The following CCNJL variants were observed in gnomAD, a reference collection of about 807,000 sequenced individuals.
CCNJL encodes the protein cyclin J like, also known as cyclin-J-like protein.
Under a neutral mutation model 33.4 loss-of-function variants are expected in CCNJL, and 33 were observed. The observed-to-expected ratio is 0.99, with a 90% CI of 0.75 to 1.32. The LOEUF (loss-of-function observed/expected upper bound fraction) is 1.32, where lower values mean the gene tolerates loss of function less well. CCNJL is among the 40% of genes most tolerant of loss of function. CCNJL has a pLI of 0.00. For synonymous variants in CCNJL, 227 were observed against 220.9 expected, an observed-to-expected ratio of 1.03 and a Z score of -0.24; for missense variants, 512 against 499.7, an observed-to-expected ratio of 1.02 and a Z score of -0.23.
chr5:160,309,547 T>G (rs901810191), intron 2 of CCNJL, among the ~76,000 whole-genome samples: 10 of 152,206 alleles, frequency 6.6e-5, no homozygotes, highest in African/African-American at 2.4e-4. Context: ...ATTATCAGAG[T>G]AGACATTTGA....
chr5:160,286,921 G>A (rs561194692), intron 2 of CCNJL, among the ~76,000 whole-genome samples: 27 of 152,138 alleles, frequency 1.8e-4, no homozygotes, highest in African/African-American at 6.5e-4. Context: ...CTTTGTGGCC[G>A]AAAATTTACT....
intron 3 of CCNJL, among the ~76,000 whole-genome samples, chr5:160,265,127 C>T (rs539854646): frequency 3.3e-5 from 5 of 152,280 alleles, no homozygotes; most frequent in Non-Finnish European, 7.3e-5. Context: ...GGCTTGAGCG[C>T]GGCCCACCCC....
chr5:160,307,423 T>C (rs1763127635), intron 2 of CCNJL, among the ~76,000 whole-genome samples: 2 of 152,134 alleles, frequency 1.3e-5, no homozygotes, highest in South Asian at 4.1e-4. Flanking sequence ...CTGCATACCA[T>C]CCAATGCTCT....
At chr5:160,261,671 G>C (rs957911855) in intron 3 of CCNJL, among the ~76,000 whole-genome samples, 1 of 151,788 alleles carries the variant, frequency 6.6e-6, no homozygotes, top group African/African-American at 2.4e-5. Flanking sequence ...AGCCACGTGG[G>C]ACTCCAACCC....
chr5:160,324,564 ACTCGGT>A (rs1178977270), intron 1 of CCNJL, among the ~76,000 whole-genome samples: 1 of 151,940 alleles, frequency 6.6e-6, no homozygotes, highest in Non-Finnish European at 1.5e-5. Context: ...CAAGAGCAAA[ACTCGGT>A]CTCCAAAAAA....
At chr5:160,258,322 G>A (rs1405351113) in intron 4 of CCNJL, 3 of 757,612 alleles carry the variant, frequency 4.0e-6, no homozygotes, top group East Asian at 2.5e-5. Context: ...GTATTACAAC[G>A]CCACAGGATT....
intron 2 of CCNJL, among the ~76,000 whole-genome samples, chr5:160,303,680 T>TAAACA: frequency 6.7e-6 from 1 of 150,298 alleles, no homozygotes; most frequent in East Asian, 2.0e-4. Context: ...TGCCATTTCT[T>TAAACA]AAACAAATCC....
chr5:160,305,339 G>A (rs1346342006), intron 2 of CCNJL, among the ~76,000 whole-genome samples: 1 of 152,200 alleles, frequency 6.6e-6, no homozygotes, highest in East Asian at 1.9e-4. Context: ...TCGGCAAGCG[G>A]GGGGGCCCTG....
At chr5:160,328,936 T>A (rs913909798) in intron 1 of CCNJL, among the ~76,000 whole-genome samples, 3 of 151,446 alleles carry the variant, frequency 2.0e-5, no homozygotes, top group African/African-American at 7.3e-5. Context: ...CCCTACTATA[T>A]GCACAGAAAG....
intron 1 of CCNJL, among the ~76,000 whole-genome samples, chr5:160,328,824 G>T (rs1429804622): frequency 6.6e-6 from 1 of 151,374 alleles, no homozygotes; most frequent in Non-Finnish European, 1.5e-5. Context: ...AGGTTGCAGT[G>T]AGCCAAGAGC....
At position 160,253,690 on chromosome 5, in the gene CCNJL, G is replaced by A; in HGVS notation, c.852C>T (p.Ala284=). 6.2e-7 allele frequency: 1 copy of A among 1,606,742 alleles called. No homozygotes were observed. The highest frequency in any genetic ancestry group is 8.5e-7 in the Non-Finnish European group (1 of 1,176,070). ...TPTQVLFQPP[A]YPALGQPATT... The stretch of plus-strand genomic sequence containing the variant: ...TCGCTGGCTGGCCGAGGGCCGGGTA[G>A]GCTGGTGGCTGGAACAGCACTTGAG... The change falls in exon 6 of 6, where the codon GCC becomes GCT. Residue 284 remains alanine, a synonymous_variant. Transcript: ENST00000257536.
intron 2 of CCNJL, among the ~76,000 whole-genome samples, chr5:160,286,775 C>T (rs752458515): frequency 3.3e-4 from 50 of 152,136 alleles, no homozygotes; most frequent in Admixed American, 1.2e-3. Context: ...GAAGCTAGAA[C>T]ACTGGCTCCC....
chr5:160,310,373 T>C (rs1256211226), intron 2 of CCNJL, among the ~76,000 whole-genome samples: 1 of 152,086 alleles, frequency 6.6e-6, no homozygotes, highest in African/African-American at 2.4e-5. Flanking sequence ...GCCACAGCCT[T>C]GCCAAGCAAC....
Position 160,251,632 on chromosome 5 carries a change from G to A in CCNJL, c.*1746C>T, listed in dbSNP as rs1454600713. The A allele has an allele frequency of 6.6e-6, 1 of 152,300 alleles. No individual in the cohort carries two copies. Among genetic ancestry groups the A allele is most frequent in the African/African-American group, 2.4e-5 (1 of 41,432 alleles). The allele number at this position is 152,300 out of a possible 1,614,324, so 9.4% of individuals were successfully genotyped here. ...AGGGAAGGAGGGGCCGGCCCAAGAGGGGATGCCTAGGACAAGAGGTGAGAG... is the reference window on the plus strand; with the variant it reads ...AGGGAAGGAGGGGCCGGCCCAAGAGAGGATGCCTAGGACAAGAGGTGAGAG... On this transcript the variant is annotated 3_prime_UTR_variant, in exon 6 of 6. Coordinates refer to ENST00000257536, the MANE Select transcript of CCNJL (RefSeq NM_001308173.3).
Position 160,326,775 on chromosome 5 carries a change from T to C in CCNJL, n.207-11270A>G, listed in dbSNP as rs147922095. Reference sequence around the variant, plus strand: ...CTCATCTTCAGATAAACTTACAAAATAGATCGCAGATTCAGGTGTGGCTCT... The same window carrying C: ...CTCATCTTCAGATAAACTTACAAAACAGATCGCAGATTCAGGTGTGGCTCT... On this transcript the variant is annotated intron_variant and non_coding_transcript_variant, in intron 1 of 7. Coordinates refer to the CCNJL transcript ENST00000377503. The C allele has an allele frequency of 1.1e-3, 976 of 886,432 alleles. 9 individuals carry two copies. In the African/African-American group the frequency reaches 0.014, roughly 12 times the overall value. The allele number at this position is 886,432 out of a possible 1,614,324, so 54.9% of individuals were successfully genotyped here.
At chr5:160,335,005 C>G (rs951326341) in intron 1 of CCNJL, among the ~76,000 whole-genome samples, 3 of 152,212 alleles carry the variant, frequency 2.0e-5, no homozygotes, top group African/African-American at 7.2e-5. Context: ...GCTCATGCCT[C>G]TAATCCCAGT....
rs899056221 is a variant in CCNJL, at chr5:160,275,607, C to T, written c.280+4918G>A. ...TCAAGAGTTCCTCCCACCTCAGCCT[C>T]CCAAGTAGCGGGGACTACAAGCACG... On this transcript the variant is annotated intron_variant, in intron 3 of 5. Transcript: ENST00000257536. Among the ~76,000 whole-genome samples the T allele has an allele frequency of 2.6e-5, 4 of 152,270 alleles. No individual in the cohort carries two copies. In the South Asian group the frequency reaches 8.3e-4, roughly 32 times the overall value.
chr5:160,339,373 A>AT, intron 1 of CCNJL: 1 of 312,902 alleles, frequency 3.2e-6, no homozygotes, highest in South Asian at 2.6e-5. Flanking sequence ...AAAAAAAAAC[A>AT]AAAAAAAACG....
At chr5:160,305,330 C>T (rs1200410636) in intron 2 of CCNJL, among the ~76,000 whole-genome samples, 2 of 152,226 alleles carry the variant, frequency 1.3e-5, no homozygotes, top group Non-Finnish European at 2.9e-5. Flanking sequence ...TGTCAGAGTT[C>T]GGCAAGCGGG....
Sources: allele counts gnomAD v4.1 joint callset (sites outside exome capture counted in the v4.1 genomes callset), GRCh38; gene constraint gnomAD v4.1.1; transcripts MANE v1.5; gene names NCBI Gene and HGNC (gene_info 2026-07-23, HGNC 2026-07-21).